RNF216: variants seen among roughly 807,000 people sequenced by gnomAD.
RNF216 encodes the protein ring finger protein 216.
Under a neutral mutation model 110.8 loss-of-function variants are expected in RNF216, and 72 were observed. The observed-to-expected ratio is 0.65, with a 90% confidence interval of 0.54 to 0.79. RNF216 has a LOEUF of 0.79. RNF216 is among the 30% of genes least tolerant of loss of function. The pLI is 0.00. For missense variants in RNF216, 1,342 were observed against 1,141.2 expected (o/e 1.18, Z -2.54); for synonymous variants, 495 against 407.5 (o/e 1.21, Z -2.59).
In RNF216 at chr7:5,741,532, T is replaced by C; in HGVS notation, c.485A>G (p.His162Arg). The change falls in exon 4 of 17, where the codon CAT becomes CGT. Residue 162 changes from histidine to arginine, a missense_variant. By Grantham distance (29) the His-to-Arg change is conservative. Transcript: ENST00000389902. The stretch of plus-strand genomic sequence containing the variant: ...GACAATGTCATTTGCTGCTTGGTTA[T>C]GACTCGGTCCAGGCTTGGGTTCTCT... ...TEREPKPGPS[H>R]NQAANDIVNP... 1.2e-6 allele frequency: 2 copies of C among 1,614,244 alleles called. No individual in the cohort carries two copies. Among genetic ancestry groups the C allele is most frequent in the South Asian group, 1.1e-5 (1 of 91,084 alleles).
intron 15 of RNF216, among the ~76,000 whole-genome samples, chr7:5,633,922 G>A (rs939011027): frequency 1.3e-5 from 2 of 152,162 alleles, no homozygotes; most frequent in Non-Finnish European, 2.9e-5. Flanking sequence ...CCACAAATAT[G>A]CCCCACAGTT....
At chr7:5,739,412 T>A in intron 4 of RNF216, 60 bp from the exon 5 acceptor site, 1 of 1,517,186 alleles carries the variant, frequency 6.6e-7, no homozygotes, top group Non-Finnish European at 9.1e-7. Flanking sequence ...CAAATGGCAA[T>A]ACAAGACAGA....
intron 7 of RNF216, among the ~76,000 whole-genome samples, chr7:5,726,789 C>T (rs574407047): frequency 6.0e-5 from 9 of 151,032 alleles, no homozygotes; most frequent in African/African-American, 1.2e-4. Context: ...ACCTGGAAAG[C>T]GGAGGTTGCA....
rs552371518 is a variant in RNF216, at chr7:5,730,496, A to G, written c.1224+219T>C. ...TGGGAAAAGGAAGATAAGAATTACA[A>G]GGAAAGATAGAAGTTAAAGACAGAC... On this transcript the variant is annotated intron_variant, in intron 6 of 16. Coordinates refer to ENST00000389902, the MANE Select transcript of RNF216 (RefSeq NM_207111.4). Among the ~76,000 whole-genome samples the G allele has an allele frequency of 2.0e-5, 3 of 152,396 alleles. No individual in the cohort carries two copies. In the East Asian group the frequency reaches 5.8e-4, roughly 29 times the overall value.
At chr7:5,754,213 T>C (rs993062332) in intron 2 of RNF216, among the ~76,000 whole-genome samples, 1 of 151,132 alleles carries the variant, frequency 6.6e-6, no homozygotes, top group African/African-American at 2.4e-5. Flanking sequence ...TGCAGTACAA[T>C]GGTGCGATCA....
chr7:5,745,538 A>G lies in RNF216; in HGVS notation c.202-3723T>C, dbSNP rs1181351188. Among the ~76,000 whole-genome samples, 4 of 152,206 alleles carry G rather than the reference A, an allele frequency of 2.6e-5. No homozygotes were observed. In the East Asian group the frequency reaches 5.8e-4, roughly 22 times the overall value. ...ACAGATCAGATGCACGTTTTCAAGA[A>G]ATTAAGAGTCAACTGAAAAATCACT... On this transcript the variant is annotated intron_variant, in intron 3 of 16. Transcript: ENST00000389902.
At chr7:5,748,656 ACAT>A (rs1554262837) in intron 3 of RNF216, among the ~76,000 whole-genome samples, 2 of 145,314 alleles carry the variant, frequency 1.4e-5, no homozygotes, top group Admixed American at 1.4e-4. Flanking sequence ...ACACACACAC[ACAT>A]AATATACTAA....
chr7:5,753,598 A>G (rs1205817943), intron 2 of RNF216, among the ~76,000 whole-genome samples: 2 of 152,154 alleles, frequency 1.3e-5, no homozygotes, highest in African/African-American at 4.8e-5. Flanking sequence ...CCTTTTATCA[A>G]TTTGAAAACA....
intron 13 of RNF216, among the ~76,000 whole-genome samples, chr7:5,695,947 T>C (rs1172202266): frequency 2.0e-5 from 3 of 152,150 alleles, no homozygotes; most frequent in African/African-American, 7.2e-5. Context: ...TCAGAACGCA[T>C]CCAAGGAACA....
rs1791649360 is a variant in RNF216 at position 5,696,664 on chromosome 7, T to TC, written c.2061+15096dup. 6.6e-6 allele frequency among the ~76,000 whole-genome samples: 1 copy of TC among 152,064 alleles called. No individual in the cohort carries two copies. The highest frequency in any genetic ancestry group is 2.4e-5 in the African/African-American group (1 of 41,392). Reference sequence around the variant, plus strand: ...TCGCTTTTGACTACTGCCCCACGTCTCCCCTCTTGCCCCCAACCTGCCCTT... The same window carrying TC: ...TCGCTTTTGACTACTGCCCCACGTCTCCCCCTCTTGCCCCCAACCTGCCCTT... On this transcript the variant is annotated intron_variant, in intron 13 of 16. Transcript: ENST00000389902. The surrounding 1 kb of genome is among the most constrained non-coding windows in gnomAD (Gnocchi z 5.4).
At chr7:5,775,856 G>T (rs952949141) in intron 1 of RNF216, among the ~76,000 whole-genome samples, 2 of 151,264 alleles carry the variant, frequency 1.3e-5, no homozygotes, top group African/African-American at 4.9e-5. Flanking sequence ...GTGACAGAGC[G>T]AGATTCCATC....
chr7:5,776,203 G>A (rs1216133544), intron 1 of RNF216, among the ~76,000 whole-genome samples: 1 of 151,954 alleles, frequency 6.6e-6, no homozygotes, highest in Non-Finnish European at 1.5e-5. Context: ...ATGCATCATC[G>A]GGAATACATC....
intron 13 of RNF216, among the ~76,000 whole-genome samples, chr7:5,705,128 T>A (rs1175420291): frequency 1.3e-5 from 2 of 152,174 alleles, no homozygotes; most frequent in African/African-American, 4.8e-5. Context: ...GACTCCAAAA[T>A]CTTTTTCCAG....
chr7:5,727,753 A>T (rs1370232644), intron 7 of RNF216, among the ~76,000 whole-genome samples: 1 of 151,972 alleles, frequency 6.6e-6, no homozygotes, highest in African/African-American at 2.4e-5. Flanking sequence ...CATGATGATG[A>T]TGATAATAAT....
chr7:5,644,831 T>C (rs1378015908), intron 14 of RNF216, among the ~76,000 whole-genome samples: 2 of 150,368 alleles, frequency 1.3e-5, no homozygotes, highest in Non-Finnish European at 3.0e-5. Flanking sequence ...TTTTTTCTTT[T>C]TTTTTTTTTT....
chr7:5,736,098 T>C (rs1212520688), intron 5 of RNF216, among the ~76,000 whole-genome samples: 2 of 134,482 alleles, frequency 1.5e-5, no homozygotes, highest in East Asian at 2.3e-4. Context: ...GTCTCAAAAA[T>C]AAATAAATAG....
At chr7:5,672,985 C>A (rs1031042192) in intron 13 of RNF216, among the ~76,000 whole-genome samples, 2 of 152,100 alleles carry the variant, frequency 1.3e-5, no homozygotes, top group Non-Finnish European at 2.9e-5. Context: ...TCAGGATCTG[C>A]GGTTTATAGA....
intron 15 of RNF216, among the ~76,000 whole-genome samples, chr7:5,625,279 G>A (rs1178903898): frequency 6.6e-6 from 1 of 152,226 alleles, no homozygotes; most frequent in Non-Finnish European, 1.5e-5. Context: ...GGAGAAGGAT[G>A]GGGAGGGATG....
At chr7:5,768,224 G>A (rs1369139368) in intron 1 of RNF216, among the ~76,000 whole-genome samples, 1 of 151,176 alleles carries the variant, frequency 6.6e-6, no homozygotes, top group Non-Finnish European at 1.5e-5. Flanking sequence ...GCTGAAGCAG[G>A]AGGATCACTT....
Sources: allele counts gnomAD v4.1 joint callset (sites outside exome capture counted in the v4.1 genomes callset), GRCh38; gene constraint gnomAD v4.1.1; non-coding constraint Gnocchi (gnomAD v3.1); transcripts MANE v1.5; gene names NCBI Gene and HGNC (gene_info 2026-07-23, HGNC 2026-07-21).